The following PNLDC1 variants were observed in gnomAD, a reference collection of about 807,000 sequenced individuals.
PNLDC1 encodes poly(A)-specific ribonuclease PNLDC1.
A neutral mutation model predicts 82.0 loss-of-function variants in PNLDC1; 70 were observed. The ratio of observed to expected loss-of-function variants is 0.85; its 90% CI spans 0.70 to 1.04. PNLDC1 has a LOEUF of 1.04. Among genes scored for constraint, PNLDC1 ranks in the 50% least tolerant of loss-of-function variants. The probability of loss-of-function intolerance (pLI) is 0.00; values close to 1 mark genes in which losing one functional copy is unlikely to be tolerated. For missense variants in PNLDC1, 631 were observed against 661.1 expected (o/e 0.95, Z 0.50); for synonymous variants, 280 against 249.3 (o/e 1.12, Z -1.16).
intron 9 of PNLDC1, 54 bp from the exon 10 acceptor site, chr6:159,809,972 G>C: frequency 7.0e-7 from 1 of 1,420,616 alleles, no homozygotes. Flanking sequence ...TTAGTCTGTA[G>C]TGTCTGGATT....
chr6:159,802,741 C>G (rs1781307756), intron 3 of PNLDC1, among the ~76,000 whole-genome samples: 1 of 152,138 alleles, frequency 6.6e-6, no homozygotes, highest in Non-Finnish European at 1.5e-5. Flanking sequence ...CGCCACCACA[C>G]CTAGCTAATT....
Position 159,806,135 on chromosome 6 carries a change from C to A in PNLDC1, c.562+52C>A. Reference sequence around the variant, plus strand: ...CAGGAGCATTGGGACAGGTCACTGTCACCTGCCAGGAGTTGGGGGAAACAC... The same window carrying A: ...CAGGAGCATTGGGACAGGTCACTGTAACCTGCCAGGAGTTGGGGGAAACAC... On this transcript the variant is annotated intron_variant, in intron 7 of 18. Coordinates refer to ENST00000392167, the MANE Select transcript of PNLDC1 (RefSeq NM_001271862.2). The A allele has an allele frequency of 2.8e-6, 4 of 1,406,108 alleles. No homozygotes were observed. In the South Asian group the frequency reaches 3.4e-5, roughly 12 times the overall value. The allele number at this position is 1,406,108 out of a possible 1,614,324, so 87.1% of individuals were successfully genotyped here.
intron 7 of PNLDC1, among the ~76,000 whole-genome samples, chr6:159,808,149 G>A (rs1437145467): frequency 6.6e-6 from 1 of 152,092 alleles, no homozygotes; most frequent in Non-Finnish European, 1.5e-5. Context: ...CCTGACCTCA[G>A]GTGATCCGCC....
rs781663634 is a variant in PNLDC1, at chr6:159,801,190, A to C, written c.208+4A>C. Reference sequence around the variant, plus strand: ...CAATTTACAGTCTGTCAGATTGGTGAGTTTAATATCAGCTGTTAGAGTTTT... The same window carrying C: ...CAATTTACAGTCTGTCAGATTGGTGCGTTTAATATCAGCTGTTAGAGTTTT... On this transcript the variant is annotated splice_donor_region_variant and intron_variant, in intron 3 of 18. Coordinates refer to ENST00000392167, the MANE Select transcript of PNLDC1 (RefSeq NM_001271862.2). 1.2e-6 allele frequency: 2 copies of C among 1,612,740 alleles called. No individual in the cohort carries two copies. Among genetic ancestry groups the C allele is most frequent in the Non-Finnish European group, 1.7e-6 (2 of 1,178,726 alleles).
At position 159,810,073 on chromosome 6, in the gene PNLDC1, G is replaced by A; in HGVS notation, c.831G>A (p.Glu277=). Residue 277 remains glutamate (E), a synonymous_variant, in exon 10 of 19, where the codon GAG becomes GAA. Coordinates refer to ENST00000392167, the MANE Select transcript of PNLDC1 (RefSeq NM_001271862.2). ...TGATGGACCTGCTGCACCTCCATGA[G>A]AAGTTCTTCAGACCCCTCCCAGGTA... is the stretch of plus-strand genomic sequence containing the variant. ...NMMMDLLHLH[E]KFFRPLPESY... 6.2e-7 allele frequency: 1 copy of A among 1,614,106 alleles called. No individual in the cohort carries two copies. Among genetic ancestry groups the A allele is most frequent in the Non-Finnish European group, 8.5e-7 (1 of 1,179,970 alleles).
At position 159,810,182 on chromosome 6, in the gene PNLDC1, C is replaced by T; in HGVS notation, c.853+87C>T. On this transcript the variant is annotated intron_variant, in intron 10 of 18. Coordinates refer to ENST00000392167, the MANE Select transcript of PNLDC1 (RefSeq NM_001271862.2). ...GTACACAATCATACCCCTGAGGCAGCTCCTAAAATGCCCATTCCTCCCCAG... is the reference window on the plus strand; with the variant it reads ...GTACACAATCATACCCCTGAGGCAGTTCCTAAAATGCCCATTCCTCCCCAG... 16 of 1,254,862 alleles carry T rather than the reference C, an allele frequency of 1.3e-5. No individual in the cohort carries two copies. In the South Asian group the frequency reaches 1.8e-4, roughly 14 times the overall value. 77.7% of individuals were successfully genotyped at this position (1,254,862 alleles called of 1,614,324 possible).
At chr6:159,816,444 A>C in intron 13 of PNLDC1, 99 bp from the exon 14 acceptor site, 1 of 1,046,144 alleles carries the variant, frequency 9.6e-7, no homozygotes, top group Non-Finnish European at 1.5e-6. Context: ...GGACCATGGG[A>C]GGTTGTATGA....
intron 18 of PNLDC1, among the ~76,000 whole-genome samples, chr6:159,820,088 G>A (rs890302998): frequency 3.9e-5 from 6 of 152,154 alleles, no homozygotes; most frequent in East Asian, 1.9e-4. Flanking sequence ...TGGAGTCAGC[G>A]ACAGACCAGA....
intron 4 of PNLDC1, 131 bp downstream of exon 4, chr6:159,803,441 C>T: frequency 1.3e-6 from 1 of 766,590 alleles, no homozygotes; most frequent in East Asian, 2.6e-5. Flanking sequence ...TGTGTCTGTT[C>T]CTCCACTCAC....
intron 11 of PNLDC1, 63 bp from the exon 12 acceptor site, chr6:159,813,538 C>T (rs972371487): frequency 2.1e-6 from 3 of 1,452,546 alleles, no homozygotes; most frequent in South Asian, 2.3e-5. Context: ...TTTGGTACTG[C>T]CTGAAACAGA....
chr6:159,800,702 AG>A lies in PNLDC1; in HGVS notation c.77-69del, dbSNP rs755732570. 3 of 1,614,024 alleles carry A rather than the reference AG, an allele frequency of 1.9e-6. No homozygotes were observed. In the East Asian group the frequency reaches 6.7e-5, roughly 36 times the overall value. On this transcript the variant is annotated intron_variant, in intron 1 of 18. Transcript: ENST00000392167. ...GAGCGCGGGTGCCTTGGCCGCCTGCAGATCTACAGTGTGAGGAGTGCTGGCG... is the reference window on the plus strand; with the variant it reads ...GAGCGCGGGTGCCTTGGCCGCCTGCAATCTACAGTGTGAGGAGTGCTGGCG...
intron 3 of PNLDC1, among the ~76,000 whole-genome samples, 154 bp downstream of exon 3, chr6:159,801,340 C>G (rs1239626365): frequency 6.6e-6 from 1 of 152,176 alleles, no homozygotes; most frequent in Non-Finnish European, 1.5e-5. Flanking sequence ...ATATGGAAAT[C>G]AACACTTCGG....
chr6:159,809,194 AGTCTTT>A, intron 9 of PNLDC1, 36 bp downstream of exon 9: 1 of 1,604,912 alleles, frequency 6.2e-7, no homozygotes, highest in South Asian at 1.1e-5. Context: ...GCCTAAAGGC[AGTCTTT>A]AGTATTTCTG....
rs1278396244 is a variant in PNLDC1, at chr6:159,819,722, A to T, written c.1532+370A>T. ...TGGGTGGCAGGCTGCAGTTCAAAGGAGCTGATGGGGGTCTTCATTAGAGAC... is the reference window on the plus strand; with the variant it reads ...TGGGTGGCAGGCTGCAGTTCAAAGGTGCTGATGGGGGTCTTCATTAGAGAC... On this transcript the variant is annotated intron_variant, in intron 18 of 18. Coordinates refer to ENST00000392167, the MANE Select transcript of PNLDC1 (RefSeq NM_001271862.2). The surrounding 1 kb of genome is among the most constrained non-coding windows in gnomAD (Gnocchi z 4.6). Among the ~76,000 whole-genome samples, 1 of 151,992 alleles carries T rather than the reference A, an allele frequency of 6.6e-6. No individual in the cohort carries two copies. The highest frequency in any genetic ancestry group is 1.9e-4 in the East Asian group (1 of 5,178).
At chr6:159,808,416 A>T (rs1583172194) in intron 7 of PNLDC1, among the ~76,000 whole-genome samples, 1 of 152,272 alleles carries the variant, frequency 6.6e-6, no homozygotes, top group Non-Finnish European at 1.5e-5. Flanking sequence ...TTTGTTACTT[A>T]AAAAACTTCT....
chr6:159,805,039 G>A (rs1187791938), intron 6 of PNLDC1, among the ~76,000 whole-genome samples: 2 of 152,148 alleles, frequency 1.3e-5, no homozygotes, highest in African/African-American at 2.4e-5. Context: ...GATATCTCTC[G>A]GGCAACCTTG....
intron 11 of PNLDC1, 26 bp from the exon 12 acceptor site, chr6:159,813,575 C>G: frequency 6.3e-7 from 1 of 1,595,480 alleles, no homozygotes; most frequent in Middle Eastern, 1.7e-4. Context: ...AAATGTTTTC[C>G]TCTGGTTTGT....
chr6:159,820,370 T>C, intron 18 of PNLDC1, 84 bp from the exon 19 acceptor site: 1 of 1,301,798 alleles, frequency 7.7e-7, no homozygotes, highest in Non-Finnish European at 1.1e-6. Flanking sequence ...TGCACGGGGC[T>C]GGGAAGGAGG....
At chr6:159,814,792 A>T (rs1419205007) in intron 12 of PNLDC1, among the ~76,000 whole-genome samples, 2 of 152,142 alleles carry the variant, frequency 1.3e-5, no homozygotes, top group Admixed American at 6.5e-5. Context: ...TATCTGTGAG[A>T]TGAGAAAATA....
Sources: gnomAD v4.1 joint callset for allele counts (sites outside exome capture counted in the v4.1 genomes callset) on GRCh38, gnomAD v4.1.1 for gene constraint, Gnocchi (gnomAD v3.1) non-coding constraint, MANE v1.5 for transcripts, NCBI Gene and HGNC (gene_info 2026-07-23, HGNC 2026-07-21) for gene names.